TAFA1: variants seen among roughly 807,000 people sequenced by gnomAD.
TAFA1 encodes chemokine-like protein TAFA-1.
TAFA1 carries 4 observed loss-of-function variants against 18.5 expected under a neutral mutation model. That is an observed-to-expected ratio of 0.22 (90% CI 0.11 to 0.49). The LOEUF (loss-of-function observed/expected upper bound fraction) is 0.49, where lower values mean the gene tolerates loss of function less well. TAFA1 is among the 20% of genes least tolerant of loss of function. TAFA1 has a pLI of 0.98. For missense variants in TAFA1, 147 were observed against 169.0 expected (o/e 0.87, Z 0.72); for synonymous variants, 56 against 55.2 (o/e 1.01, Z -0.06).
At chr3:68,206,116 A>G (rs986752090) in intron 2 of TAFA1, among the ~76,000 whole-genome samples, 1 of 151,930 alleles carries the variant, frequency 6.6e-6, no homozygotes, top group African/African-American at 2.4e-5. Context: ...ATAAAAAACC[A>G]GCAGTCTTTG....
At chr3:68,255,062 G>A (rs2067271989) in intron 2 of TAFA1, among the ~76,000 whole-genome samples, 1 of 152,120 alleles carries the variant, frequency 6.6e-6, no homozygotes, top group African/African-American at 2.4e-5. Context: ...TCATTCTGAA[G>A]AGTGGCCATT....
At chr3:68,210,011 AT>A (rs529070136) in intron 2 of TAFA1, among the ~76,000 whole-genome samples, 296 of 151,962 alleles carry the variant, frequency 1.9e-3, no homozygotes, top group Non-Finnish European at 3.5e-3. Flanking sequence ...CTCCATCACA[AT>A]TTTTTTCCCC....
intron 2 of TAFA1, among the ~76,000 whole-genome samples, chr3:68,355,678 A>G (rs929026947): frequency 6.6e-6 from 1 of 152,008 alleles, no homozygotes; most frequent in Non-Finnish European, 1.5e-5. Context: ...CGTGAAATTG[A>G]TTGAGCATAC....
chr3:68,019,952 A>G (rs966395272), intron 2 of TAFA1, among the ~76,000 whole-genome samples: 14 of 152,228 alleles, frequency 9.2e-5, no homozygotes, highest in African/African-American at 3.4e-4. Context: ...TTCCAAGCAC[A>G]GTATAGTTCT....
intron 2 of TAFA1, among the ~76,000 whole-genome samples, chr3:68,362,497 G>A (rs191143236): frequency 6.6e-6 from 1 of 152,246 alleles, no homozygotes; most frequent in East Asian, 1.9e-4. Context: ...GGTTTTATTG[G>A]TATGGTGTTT....
At chr3:68,040,896 TTC>T (rs1363987000) in intron 2 of TAFA1, among the ~76,000 whole-genome samples, 2 of 152,214 alleles carry the variant, frequency 1.3e-5, no homozygotes, top group African/African-American at 4.8e-5. Context: ...GTAAATTCCT[TTC>T]TGTTTCAAAA....
chr3:68,275,709 A>C lies in TAFA1; in HGVS notation c.119-141571A>C, dbSNP rs145457766. 4.0e-3 allele frequency among the ~76,000 whole-genome samples: 604 copies of C among 152,230 alleles called. 3 individuals are homozygous for C. Among genetic ancestry groups the C allele is most frequent in the Non-Finnish European group, 6.5e-3 (443 of 68,012 alleles). On this transcript the variant is annotated intron_variant, in intron 2 of 4. Coordinates refer to ENST00000478136, the MANE Select transcript of TAFA1 (RefSeq NM_213609.4). ...GGACAAAAGGGCTAGTGGAGAAGAG[A>C]TCTGAAGAAAGAGCATTTCAAGCAT... is the stretch of plus-strand genomic sequence containing the variant.
intron 2 of TAFA1, among the ~76,000 whole-genome samples, chr3:68,117,038 GT>G (rs1459290846): frequency 1.3e-5 from 2 of 152,218 alleles, no homozygotes; most frequent in Non-Finnish European, 2.9e-5. Context: ...CTCTCTACAT[GT>G]GTTGAATGCT....
intron 2 of TAFA1, among the ~76,000 whole-genome samples, chr3:68,034,125 C>T (rs578172206): frequency 1.3e-5 from 2 of 152,082 alleles, no homozygotes; most frequent in Non-Finnish European, 2.9e-5. Context: ...CTCCAGTGTC[C>T]ATGACCTAAA....
intron 3 of TAFA1, among the ~76,000 whole-genome samples, chr3:68,505,855 AT>A (rs1448982543): frequency 1.3e-5 from 2 of 150,852 alleles, no homozygotes; most frequent in African/African-American, 4.9e-5. Context: ...TGGGAGTGGC[AT>A]TCCCATCACT....
intron 2 of TAFA1, among the ~76,000 whole-genome samples, chr3:68,240,282 T>A (rs756542467): frequency 6.6e-6 from 1 of 152,158 alleles, no homozygotes; most frequent in East Asian, 1.9e-4. Context: ...ACAGTAACAT[T>A]GCATGTGTAA....
intron 2 of TAFA1, among the ~76,000 whole-genome samples, chr3:68,348,621 G>T (rs529733040): frequency 6.6e-6 from 1 of 152,242 alleles, no homozygotes; most frequent in Non-Finnish European, 1.5e-5. Context: ...GTTTCTCTCT[G>T]AGCTATTAAT....
intron 3 of TAFA1, among the ~76,000 whole-genome samples, chr3:68,444,953 C>T (rs981809557): frequency 5.3e-5 from 8 of 151,744 alleles, no homozygotes; most frequent in African/African-American, 1.9e-4. Context: ...GCTGTACTTA[C>T]TTCACAGGAT....
chr3:68,417,102 A>G (rs2070854419), intron 2 of TAFA1, among the ~76,000 whole-genome samples, 178 bp from the exon 3 acceptor site: 1 of 152,188 alleles, frequency 6.6e-6, no homozygotes, highest in Admixed American at 6.5e-5. Context: ...TTGGAAGTAC[A>G]GCACTGTCCT....
chr3:68,375,872 G>C (rs559554371), intron 2 of TAFA1, among the ~76,000 whole-genome samples: 3 of 152,112 alleles, frequency 2.0e-5, no homozygotes, highest in Non-Finnish European at 4.4e-5. Context: ...GAAAACCTCT[G>C]ATTTTAGCTC....
intron 2 of TAFA1, among the ~76,000 whole-genome samples, chr3:68,036,882 T>C (rs1459623465): frequency 6.6e-6 from 1 of 152,200 alleles, no homozygotes; most frequent in African/African-American, 2.4e-5. Context: ...GCCACATTGA[T>C]ATTCATTTGT....
At chr3:68,116,507 A>G (rs2065326637) in intron 2 of TAFA1, among the ~76,000 whole-genome samples, 1 of 152,214 alleles carries the variant, frequency 6.6e-6, no homozygotes, top group African/African-American at 2.4e-5. Flanking sequence ...TTTCAATGAA[A>G]TTAACATTAA....
chr3:68,118,620 G>T (rs2065351146), intron 2 of TAFA1, among the ~76,000 whole-genome samples: 1 of 152,128 alleles, frequency 6.6e-6, no homozygotes, highest in Non-Finnish European at 1.5e-5. Flanking sequence ...CTAGAATCAT[G>T]CAGTATTTGT....
chr3:68,107,657 C>A (rs1369773879), intron 2 of TAFA1, among the ~76,000 whole-genome samples: 5 of 152,076 alleles, frequency 3.3e-5, no homozygotes, highest in African/African-American at 9.7e-5. Flanking sequence ...ATTAGTCCAT[C>A]AAATGAATTT....
Sources: gnomAD v4.1 joint callset for allele counts (sites outside exome capture counted in the v4.1 genomes callset) on GRCh38, gnomAD v4.1.1 for gene constraint, MANE v1.5 for transcripts, NCBI Gene and HGNC (gene_info 2026-07-23, HGNC 2026-07-21) for gene names.